ULK4: variants seen among roughly 807,000 people sequenced by gnomAD.
ULK4 encodes unc-51 like kinase 4.
In ULK4, 133 loss-of-function variants were observed where a neutral mutation model predicts 160.6. That is an observed-to-expected ratio of 0.83 (90% CI 0.72 to 0.96). The LOEUF (loss-of-function observed/expected upper bound fraction) is 0.96, where lower values mean the gene tolerates loss of function less well. Among genes scored for constraint, ULK4 ranks in the 40% least tolerant of loss-of-function variants. ULK4 has a pLI of 0.00. For synonymous variants in ULK4, 534 were observed against 539.8 expected (o/e 0.99, Z 0.15); for missense variants, 1,580 against 1,499.5 (o/e 1.05, Z -0.89).
chr3:41,257,695 A>G (rs904183273), intron 35 of ULK4, among the ~76,000 whole-genome samples: 4 of 152,056 alleles, frequency 2.6e-5, no homozygotes, highest in Non-Finnish European at 5.9e-5. Flanking sequence ...ACTCTTGGAT[A>G]TTTACCCAAG....
At chr3:41,309,370 A>G (rs1375858999) in intron 35 of ULK4, among the ~76,000 whole-genome samples, 1 of 152,164 alleles carries the variant, frequency 6.6e-6, no homozygotes, top group Non-Finnish European at 1.5e-5. Flanking sequence ...TATGCTGCCC[A>G]GGCTGGAGTG....
At chr3:41,791,796 T>C (rs2040159129) in intron 20 of ULK4, among the ~76,000 whole-genome samples, 1 of 152,144 alleles carries the variant, frequency 6.6e-6, no homozygotes, top group Non-Finnish European at 1.5e-5. Flanking sequence ...ACTGAAAAAA[T>C]GAGCATTTGT....
intron 21 of ULK4, among the ~76,000 whole-genome samples, chr3:41,770,741 G>A (rs1337004818): frequency 6.6e-6 from 1 of 152,030 alleles, no homozygotes; most frequent in Non-Finnish European, 1.5e-5. Context: ...TTGAACTCCT[G>A]GCCTCAAGTG....
chr3:41,506,446 T>A (rs1489716702), intron 32 of ULK4, among the ~76,000 whole-genome samples: 1 of 152,120 alleles, frequency 6.6e-6, no homozygotes, highest in Non-Finnish European at 1.5e-5. Context: ...TTGACAATAA[T>A]TCATCTAACA....
At chr3:41,724,860 A>G (rs2037595267) in intron 22 of ULK4, among the ~76,000 whole-genome samples, 1 of 152,190 alleles carries the variant, frequency 6.6e-6, no homozygotes, top group African/African-American at 2.4e-5. Context: ...CCTGATGACT[A>G]ATTAGGTTAA....
chr3:41,346,489 C>A (rs1463699081), intron 35 of ULK4, among the ~76,000 whole-genome samples: 3 of 152,160 alleles, frequency 2.0e-5, no homozygotes, highest in African/African-American at 4.8e-5. Flanking sequence ...TGGCTCAGTG[C>A]TCCCACCAGT....
At chr3:41,480,363 T>C (rs1045995233) in intron 32 of ULK4, among the ~76,000 whole-genome samples, 1 of 152,144 alleles carries the variant, frequency 6.6e-6, no homozygotes, top group South Asian at 2.1e-4. Context: ...ATATATTCTA[T>C]AGCTTACTTT....
At chr3:41,586,908 T>C (rs1000497289) in intron 31 of ULK4, among the ~76,000 whole-genome samples, 3 of 152,152 alleles carry the variant, frequency 2.0e-5, no homozygotes, top group Non-Finnish European at 4.4e-5. Flanking sequence ...TTGATAGTAT[T>C]AATAAATTAT....
At chr3:41,883,832 A>G (rs778790738) in intron 17 of ULK4, 42 bp downstream of exon 17, 5 of 1,483,630 alleles carry the variant, frequency 3.4e-6, no homozygotes, top group Non-Finnish European at 4.7e-6. Context: ...CAAGAACAGT[A>G]TTTCTTGACA....
intron 22 of ULK4, among the ~76,000 whole-genome samples, chr3:41,735,904 A>G (rs976314913): frequency 6.4e-5 from 8 of 125,398 alleles, no homozygotes; most frequent in Non-Finnish European, 9.4e-5. Context: ...ATGTGTTCTC[A>G]TTGTTCAATT....
At chr3:41,454,556 G>GA (rs1232035174) in intron 34 of ULK4, among the ~76,000 whole-genome samples, 4 of 139,558 alleles carry the variant, frequency 2.9e-5, no homozygotes, top group Non-Finnish European at 6.2e-5. Context: ...AAAAAAAAAA[G>GA]AAAGAAAAGA....
At chr3:41,277,595 C>A (rs1437954567) in intron 35 of ULK4, among the ~76,000 whole-genome samples, 1 of 152,076 alleles carries the variant, frequency 6.6e-6, no homozygotes, top group Non-Finnish European at 1.5e-5. Context: ...AAGGGACATA[C>A]CTCAATGTAA....
At chr3:41,832,709 T>C (rs1462030293) in intron 18 of ULK4, among the ~76,000 whole-genome samples, 1 of 152,242 alleles carries the variant, frequency 6.6e-6, no homozygotes, top group Non-Finnish European at 1.5e-5. Context: ...CTTGAGTTAA[T>C]TTTTGTATAA....
chr3:41,596,786 A>G (rs2031724408), intron 31 of ULK4, among the ~76,000 whole-genome samples: 1 of 152,188 alleles, frequency 6.6e-6, no homozygotes, highest in Non-Finnish European at 1.5e-5. Context: ...GCCAAAGTGC[A>G]GGATGGACCA....
intron 32 of ULK4, among the ~76,000 whole-genome samples, chr3:41,471,610 C>T (rs1015341041): frequency 5.9e-5 from 9 of 152,116 alleles, no homozygotes; most frequent in African/African-American, 2.2e-4. Flanking sequence ...CTTGACATGT[C>T]TTCACAAGTA....
intron 30 of ULK4, among the ~76,000 whole-genome samples, chr3:41,642,303 AG>A (rs1224789158): frequency 1.3e-5 from 2 of 151,910 alleles, no homozygotes; most frequent in Non-Finnish European, 2.9e-5. Context: ...CTCGTCATTT[AG>A]CATTAGGTAT....
chr3:41,734,154 G>A (rs2037937882), intron 22 of ULK4, among the ~76,000 whole-genome samples: 1 of 152,188 alleles, frequency 6.6e-6, no homozygotes, highest in Admixed American at 6.5e-5. Context: ...GAGCAAATAA[G>A]AGATGCTATT....
At chr3:41,558,463 G>A (rs944747412) in intron 32 of ULK4, among the ~76,000 whole-genome samples, 7 of 152,084 alleles carry the variant, frequency 4.6e-5, no homozygotes, top group Non-Finnish European at 7.4e-5. Context: ...CCAGCACTTT[G>A]AGAGGCCAAG....
chr3:41,781,655 A>T (rs570308900), intron 21 of ULK4, among the ~76,000 whole-genome samples: 1 of 152,228 alleles, frequency 6.6e-6, no homozygotes, highest in African/African-American at 2.4e-5. Context: ...AAAACTGGCC[A>T]TGGTCACGTG....
Sources: allele counts gnomAD v4.1 joint callset (sites outside exome capture counted in the v4.1 genomes callset), GRCh38; gene constraint gnomAD v4.1.1; transcripts MANE v1.5; gene names NCBI Gene and HGNC (gene_info 2026-07-23, HGNC 2026-07-21).